SMG1: variants seen among roughly 807,000 people sequenced by gnomAD.
The protein encoded by SMG1 is serine/threonine-protein kinase SMG1.
Under a neutral mutation model 419.9 loss-of-function variants are expected in SMG1, and 22 were observed. The observed-to-expected ratio is 0.05, with a 90% confidence interval of 0.04 to 0.07. The LOEUF (loss-of-function observed/expected upper bound fraction) is 0.07. Ranked by LOEUF, SMG1 falls within the 10% of genes least tolerant of loss-of-function variation. The probability of loss-of-function intolerance (pLI) is 1.00; values close to 1 mark genes in which losing one functional copy is unlikely to be tolerated. For synonymous variants in SMG1, 1,538 were observed against 1,553.5 expected (o/e 0.99, Z 0.23); for missense variants, 3,185 against 4,342.0 (o/e 0.73, Z 7.49).
rs1041641627 is a variant in SMG1, at chr16:18,820,668, A to C, written c.9742-1014T>G. 5.3e-5 allele frequency among the ~76,000 whole-genome samples: 8 copies of C among 152,310 alleles called. No individual in the cohort carries two copies. In the South Asian group the frequency reaches 8.3e-4, roughly 16 times the overall value. On this transcript the variant is annotated intron_variant, in intron 55 of 62. Coordinates refer to ENST00000446231, the MANE Select transcript of SMG1 (RefSeq NM_015092.5). ...GCATGTCCATGTCTCTAAAATCATA[A>C]AGAGGAAGAGTTCATTCTTGTAAGT...
At chr16:18,917,411 A>C (rs11860082) in intron 1 of SMG1, among the ~76,000 whole-genome samples, 2,560 of 151,862 alleles carry the variant, frequency 0.017, 76 homozygotes, top group African/African-American at 0.058. Flanking sequence ...GCCCTCCCAA[A>C]GTGCTGGGAT....
intron 51 of SMG1, among the ~76,000 whole-genome samples, chr16:18,831,561 T>C (rs1407695485): frequency 2.6e-5 from 4 of 152,038 alleles, no homozygotes; most frequent in Admixed American, 6.6e-5. Flanking sequence ...GATAAAGCTG[T>C]TCTATAAATA....
At chr16:18,888,820 C>CTT (rs71141087) in intron 6 of SMG1, among the ~76,000 whole-genome samples, 4,066 of 111,870 alleles carry the variant, frequency 0.036, 348 homozygotes, top group African/African-American at 0.11. Flanking sequence ...CAACATGTAT[C>CTT]TTTTTTTTTT....
intron 60 of SMG1, among the ~76,000 whole-genome samples, chr16:18,812,597 TAC>T (rs1555483902): frequency 7.0e-6 from 1 of 142,388 alleles, no homozygotes; most frequent in East Asian, 2.0e-4. Flanking sequence ...TACATATATA[TAC>T]ACATATATAT....
chr16:18,916,272 T>G (rs967494245), intron 1 of SMG1, among the ~76,000 whole-genome samples: 1 of 151,488 alleles, frequency 6.6e-6, no homozygotes, highest in African/African-American at 2.4e-5. Flanking sequence ...TCCCAGCACT[T>G]TGGGAGGCCA....
chr16:18,864,978 T>C (rs2035423026), intron 23 of SMG1, among the ~76,000 whole-genome samples: 1 of 152,128 alleles, frequency 6.6e-6, no homozygotes, highest in Non-Finnish European at 1.5e-5. Context: ...TAGTGGAAAA[T>C]ATTGATAAGT....
rs1187781209 is a variant in SMG1 at position 18,812,271 on chromosome 16, G to A, written c.10622-144C>T. On this transcript the variant is annotated intron_variant, in intron 60 of 62. Coordinates refer to ENST00000446231, the MANE Select transcript of SMG1 (RefSeq NM_015092.5). ...ATCCTTATCCTTGGACACAGCAATTGTCTTCCTAAAAATGTAGCCTAAAAA... is the reference window on the plus strand; with the variant it reads ...ATCCTTATCCTTGGACACAGCAATTATCTTCCTAAAAATGTAGCCTAAAAA... 5 of 735,814 alleles carry A rather than the reference G, an allele frequency of 6.8e-6. No homozygotes were observed. In the Admixed American group the frequency reaches 1.4e-4, roughly 21 times the overall value. The allele number at this position is 735,814 out of a possible 1,614,324, so 45.6% of individuals were successfully genotyped here.
intron 1 of SMG1, chr16:18,900,122 T>C (rs2037287691): frequency 5.4e-6 from 4 of 735,322 alleles, no homozygotes; most frequent in Non-Finnish European, 9.2e-6. Flanking sequence ...CAAATATCAT[T>C]CATGAGTTAG....
At chr16:18,854,517 T>C in intron 30 of SMG1, 139 bp downstream of exon 30, 1 of 823,626 alleles carries the variant, frequency 1.2e-6, no homozygotes, top group Non-Finnish European at 1.9e-6. Flanking sequence ...AAGCAACTTA[T>C]TATTCAGGAT....
At chr16:18,855,755 G>T (rs561049537) in intron 29 of SMG1, among the ~76,000 whole-genome samples, 2 of 152,176 alleles carry the variant, frequency 1.3e-5, no homozygotes, top group African/African-American at 4.8e-5. Flanking sequence ...GCATAACTTA[G>T]GTCCCTTTGA....
At chr16:18,872,841 C>T (rs982569871) in intron 13 of SMG1, among the ~76,000 whole-genome samples, 4 of 152,134 alleles carry the variant, frequency 2.6e-5, no homozygotes, top group East Asian at 3.9e-4. Flanking sequence ...AGCAACTCCT[C>T]GTCTATCGCT....
At chr16:18,907,023 C>T (rs1206377129) in intron 1 of SMG1, among the ~76,000 whole-genome samples, 1 of 152,228 alleles carries the variant, frequency 6.6e-6, no homozygotes, top group Non-Finnish European at 1.5e-5. Flanking sequence ...GTGGCTCACG[C>T]CTGTAATCCC....
intron 29 of SMG1, chr16:18,856,324 A>C (rs2034900536): frequency 8.1e-6 from 1 of 123,970 alleles, no homozygotes; most frequent in African/African-American, 3.1e-5. Context: ...CACCACACCC[A>C]GGTGATTTTT....
intron 36 of SMG1, 122 bp from the exon 37 acceptor site, chr16:18,848,155 C>A: frequency 6.4e-6 from 5 of 783,746 alleles, no homozygotes; most frequent in Non-Finnish European, 1.0e-5. Context: ...ATTTGCCTTC[C>A]AGGCATAGAA....
In SMG1 at chr16:18,882,243, A is replaced by G. The variant is rs564227093; in HGVS notation, c.1215T>C (p.Phe405=). 1.3e-5 allele frequency: 21 copies of G among 1,610,256 alleles called. No individual in the cohort carries two copies. Among genetic ancestry groups the G allele is most frequent in the Admixed American group, 5.0e-5 (3 of 59,680 alleles). ...LPKLAALLRV[F]STVVRSIGER... ...CCCCAATGCTCCTCACCACAGTACT[A>G]AATACCCGGAGAAGTGCAGCCAGCT... The change falls in exon 10 of 63, where the codon TTT becomes TTC. Residue 405 remains phenylalanine, a synonymous_variant. Transcript: ENST00000446231.
chr16:18,858,210 C>T lies in SMG1; in HGVS notation c.4194G>A (p.Arg1398=). ...HDVRPWMQAL[R]YTMYQNQLLE... is the part of the protein sequence containing the mutation. The stretch of plus-strand genomic sequence containing the variant: ...ACAACTGATTCTGGTACATAGTATA[C>T]CTTAATGCCTGCATCCATGGCCTCA... Residue 1398 remains arginine (R), a synonymous_variant, in exon 29 of 63, where the codon AGG becomes AGA. Coordinates refer to ENST00000446231, the MANE Select transcript of SMG1 (RefSeq NM_015092.5). The T allele has an allele frequency of 6.3e-7, 1 of 1,599,176 alleles. No individual in the cohort carries two copies. The highest frequency in any genetic ancestry group is 8.5e-7 in the Non-Finnish European group (1 of 1,172,322).
intron 54 of SMG1, among the ~76,000 whole-genome samples, chr16:18,828,819 A>G (rs1046288825): frequency 6.6e-5 from 10 of 152,092 alleles, no homozygotes; most frequent in Admixed American, 3.9e-4. Context: ...ACCAACATGG[A>G]GAAACCCCAT....
At chr16:18,893,510 A>G (rs12103419) in intron 3 of SMG1, among the ~76,000 whole-genome samples, 2 of 152,188 alleles carry the variant, frequency 1.3e-5, no homozygotes, top group African/African-American at 4.8e-5. Flanking sequence ...CTGTAATCCC[A>G]GCTACTCAGG....
In SMG1 at chr16:18,839,969, A is replaced by T. The variant is rs2033819682; in HGVS notation, c.6697-23T>A. On this transcript the variant is annotated intron_variant, in intron 41 of 62. Transcript: ENST00000446231. ...GGCCTTAAGAAAAAACAATTTTTTTAAAAAAGAAAAGATCAATTTTATATA... is the reference window on the plus strand; with the variant it reads ...GGCCTTAAGAAAAAACAATTTTTTTTAAAAAGAAAAGATCAATTTTATATA... 3 of 1,509,270 alleles carry T rather than the reference A, an allele frequency of 2.0e-6. No individual in the cohort carries two copies. The East Asian group carries it at 7.4e-5, about 37-fold the overall frequency. 93.5% of individuals were successfully genotyped at this position (1,509,270 alleles called of 1,614,324 possible).
Sources: allele counts gnomAD v4.1 joint callset (sites outside exome capture counted in the v4.1 genomes callset), GRCh38; gene constraint gnomAD v4.1.1; transcripts MANE v1.5; gene names NCBI Gene and HGNC (gene_info 2026-07-23, HGNC 2026-07-21).